The following GATA4 variants were observed in gnomAD, a reference collection of about 807,000 sequenced individuals.
GATA4 encodes GATA binding protein 4.
In GATA4, 7 loss-of-function variants were observed where a neutral mutation model predicts 37.9. The ratio of observed to expected loss-of-function variants is 0.18; its 90% confidence interval spans 0.11 to 0.35. GATA4 has a LOEUF of 0.35. Ranked by LOEUF, GATA4 falls within the 10% of genes least tolerant of loss-of-function variation. The pLI, the probability that GATA4 is intolerant of heterozygous loss-of-function variation, is 1.00. For missense variants in GATA4, 647 were observed against 653.0 expected, an observed-to-expected ratio of 0.99 and a Z score of 0.10; for synonymous variants, 372 against 292.6, an observed-to-expected ratio of 1.27 and a Z score of -2.77.
chr8:11,718,925 C>T (rs890045253), intron 2 of GATA4, among the ~76,000 whole-genome samples: 1 of 152,254 alleles, frequency 6.6e-6, no homozygotes, highest in Non-Finnish European at 1.5e-5. Context: ...CTCATTGACC[C>T]ATTCCGAGCA....
chr8:11,711,185 G>T (rs143161111), intron 2 of GATA4, among the ~76,000 whole-genome samples: 451 of 152,342 alleles, frequency 3.0e-3, no homozygotes, highest in African/African-American at 0.011. Context: ...CCATGTAGAG[G>T]TTGCTGATGA....
At position 11,746,432 on chromosome 8, in the gene GATA4, A is replaced by G. The variant is rs186070407; in HGVS notation, c.617-2484A>G. 3.9e-5 allele frequency among the ~76,000 whole-genome samples: 6 copies of G among 152,268 alleles called. No individual in the cohort carries two copies. In the East Asian group the frequency reaches 9.6e-4, roughly 24 times the overall value. ...GGGTTGCACTAGGTTTGGAATGGAA[A>G]GGTGATCTTACAAGGCCTCTATGTC... On this transcript the variant is annotated intron_variant, in intron 2 of 6. Transcript: ENST00000532059.
At chr8:11,681,990 C>G (rs1004136582) in intron 1 of GATA4, among the ~76,000 whole-genome samples, 8 of 152,188 alleles carry the variant, frequency 5.3e-5, no homozygotes, top group African/African-American at 1.9e-4. Context: ...ACAGAAGTTA[C>G]TCGATAAAGA....
In GATA4 at chr8:11,751,330, G is replaced by A. The variant is rs549515394; in HGVS notation, c.912+1094G>A. On this transcript the variant is annotated intron_variant, in intron 4 of 6. Transcript: ENST00000532059. ...TATGGCACTATTTTTATAAATATGAGGAAGAATATAATTTATAGGTGGTTG... is the reference window on the plus strand; with the variant it reads ...TATGGCACTATTTTTATAAATATGAAGAAGAATATAATTTATAGGTGGTTG... Among the ~76,000 whole-genome samples the A allele has an allele frequency of 2.0e-5, 3 of 152,254 alleles. No homozygotes were observed. The South Asian group carries it at 6.2e-4, about 32-fold the overall frequency.
At chr8:11,757,936 C>G (rs191780627) in intron 6 of GATA4, among the ~76,000 whole-genome samples, 2 of 152,336 alleles carry the variant, frequency 1.3e-5, no homozygotes, top group East Asian at 1.9e-4. Flanking sequence ...GCACCAGGAG[C>G]CCCTTCTGGG....
rs1032692289 is a variant in GATA4 at position 11,749,886 on chromosome 8, C to T, written c.787-225C>T. Among the ~76,000 whole-genome samples, 5 of 152,320 alleles carry T rather than the reference C, an allele frequency of 3.3e-5. No individual in the cohort carries two copies. The highest frequency in any genetic ancestry group is 3.9e-4 in the East Asian group (2 of 5,172). ...ACTGGAAACCAGGTCTCGATGCCCA[C>T]GTTCGCTCTCCTCGGGCAGCAGAAA... On this transcript the variant is annotated intron_variant, in intron 3 of 6. Transcript: ENST00000532059. The surrounding 1 kb of genome is among the most constrained non-coding windows in gnomAD (Gnocchi z 4.6).
chr8:11,715,459 A>G (rs1299782785), intron 2 of GATA4, among the ~76,000 whole-genome samples: 1 of 152,218 alleles, frequency 6.6e-6, no homozygotes. Context: ...TAAAAATTTC[A>G]AATCATCGGC....
chr8:11,684,591 C>T (rs1176236690), intron 1 of GATA4, among the ~76,000 whole-genome samples: 1 of 152,148 alleles, frequency 6.6e-6, no homozygotes, highest in Non-Finnish European at 1.5e-5. Flanking sequence ...ATTTGAATTC[C>T]ATCTCCTCCA....
chr8:11,705,564 G>T (rs925423804), intron 1 of GATA4, among the ~76,000 whole-genome samples: 1 of 152,254 alleles, frequency 6.6e-6, no homozygotes, highest in Non-Finnish European at 1.5e-5. Flanking sequence ...CAAGTGATCA[G>T]AAGGAGAGCA....
At chr8:11,681,476 C>T in intron 1 of GATA4, 1 of 912,326 alleles carries the variant, frequency 1.1e-6, no homozygotes, top group African/African-American at 2.8e-5. Context: ...GGTCCCCGCG[C>T]GGGGTGCGGC....
At chr8:11,700,035 G>C (rs1184297520), upstream of GATA4, among the ~76,000 whole-genome samples, 1 of 152,198 alleles carries the variant, frequency 6.6e-6, no homozygotes, top group African/African-American at 2.4e-5. Context: ...TGCCACCTCA[G>C]ACAAGTACCT....
chr8:11,751,691 A>T (rs1802313099), intron 4 of GATA4, among the ~76,000 whole-genome samples: 1 of 152,230 alleles, frequency 6.6e-6, no homozygotes, highest in South Asian at 2.1e-4. Flanking sequence ...CTGCCCAGAT[A>T]GCCATGAAAC....
intron 2 of GATA4, among the ~76,000 whole-genome samples, chr8:11,725,055 C>T (rs534624750): frequency 2.0e-5 from 3 of 152,346 alleles, no homozygotes; most frequent in South Asian, 2.1e-4. Context: ...TTTGCTTCAC[C>T]GCCTTTCATT....
At chr8:11,705,410 C>T (rs1033619422) in intron 1 of GATA4, among the ~76,000 whole-genome samples, 1 of 152,220 alleles carries the variant, frequency 6.6e-6, no homozygotes, top group African/African-American at 2.4e-5. Flanking sequence ...CCCAGGCCAG[C>T]GAGGAGTGTC....
At chr8:11,724,964 C>T (rs1800845659) in intron 2 of GATA4, among the ~76,000 whole-genome samples, 1 of 152,246 alleles carries the variant, frequency 6.6e-6, no homozygotes, top group South Asian at 2.1e-4. Flanking sequence ...AAGACGCCTT[C>T]CATGTGCCCC....
At chr8:11,697,615 G>A (rs1199780674) in intron 1 of GATA4, 1 of 985,324 alleles carries the variant, frequency 1.0e-6, no homozygotes, top group Non-Finnish European at 1.2e-6. Context: ...ATGGCCGGAC[G>A]GCCGGGCCTC....
chr8:11,692,884 G>A (rs1183645351), intron 1 of GATA4: 1 of 981,658 alleles, frequency 1.0e-6, no homozygotes, highest in Non-Finnish European at 1.2e-6. Context: ...TGCGCCGCCC[G>A]CCGCCCCGCG....
intron 2 of GATA4, among the ~76,000 whole-genome samples, chr8:11,710,152 AGGTTCCCGGG>A (rs1800109136): frequency 6.6e-6 from 1 of 152,084 alleles, no homozygotes. Context: ...TGGCCAGGGA[AGGTTCCCGGG>A]GGTGCAGCCA....
Position 11,708,000 on chromosome 8 carries a change from T to G in GATA4, c.-313T>G, listed in dbSNP as rs529421999. The G allele has an allele frequency of 4.9e-6, 2 of 404,094 alleles. No homozygotes were observed. The highest frequency in any genetic ancestry group is 4.2e-5 in the South Asian group (2 of 47,260). 25.0% of individuals were successfully genotyped at this position (404,094 alleles called of 1,614,324 possible). On this transcript the variant is annotated 5_prime_UTR_variant, in exon 2 of 7. Coordinates refer to ENST00000532059, the MANE Select transcript of GATA4 (RefSeq NM_001308093.3). This position sits in a 1 kb window ranked among gnomAD's most constrained non-coding sequence, Gnocchi z 4.7. ...CCAGGCCTGGACGCTGCCCTCCGTC[T>G]TCTGCCCCCAATAGGTGCGCCGGAC...
Sources: allele counts gnomAD v4.1 joint callset (sites outside exome capture counted in the v4.1 genomes callset), GRCh38; gene constraint gnomAD v4.1.1; non-coding constraint Gnocchi (gnomAD v3.1); transcripts MANE v1.5; gene names NCBI Gene and HGNC (gene_info 2026-07-23, HGNC 2026-07-21).